ASCC1: variants seen among roughly 807,000 people sequenced by gnomAD.
ASCC1 encodes the protein activating signal cointegrator 1 complex subunit 1, also known as ASC-1 complex subunit P50.
In ASCC1, 35 loss-of-function variants were observed where a neutral mutation model predicts 46.6. That is an observed-to-expected ratio of 0.75 (90% confidence interval 0.57 to 0.99). ASCC1 has a LOEUF of 0.99. ASCC1 is among the 50% of genes least tolerant of loss of function. The probability of loss-of-function intolerance (pLI) is 0.00; values close to 1 mark genes in which losing one functional copy is unlikely to be tolerated. For synonymous variants in ASCC1, 143 were observed against 146.6 expected, an observed-to-expected ratio of 0.98 and a Z score of 0.18; for missense variants, 376 against 428.7, an observed-to-expected ratio of 0.88 and a Z score of 1.09.
At chr10:72,110,053 G>C (rs1453716912) in intron 9 of ASCC1, among the ~76,000 whole-genome samples, 1 of 152,246 alleles carries the variant, frequency 6.6e-6, no homozygotes, top group Admixed American at 6.5e-5. Context: ...ATGGCTAGCA[G>C]AGACTCTTCA....
At position 72,205,698 on chromosome 10, in the gene ASCC1, G is replaced by A. The variant is rs148223730; in HGVS notation, c.213-2174C>T. On this transcript the variant is annotated intron_variant, in intron 3 of 9. Coordinates refer to ENST00000672957, the MANE Select transcript of ASCC1 (RefSeq NM_001198800.3). ...TGTAATCCCAGCTACTTGGAAGGCT[G>A]AGCAGGAGAATTGCTTGAACCTGGG... Among the ~76,000 whole-genome samples the A allele has an allele frequency of 3.9e-4, 60 of 152,172 alleles. 2 individuals carry two copies. The East Asian group carries it at 0.011, about 27-fold the overall frequency.
intron 7 of ASCC1, among the ~76,000 whole-genome samples, chr10:72,149,437 C>CAAAA (rs11297879): frequency 4.7e-4 from 25 of 52,688 alleles, no homozygotes; most frequent in Admixed American, 1.5e-3. Flanking sequence ...GACTCCGTCA[C>CAAAA]AAAAAAAAAA....
chr10:72,118,766 T>C (rs1843808835), intron 9 of ASCC1, among the ~76,000 whole-genome samples: 1 of 148,718 alleles, frequency 6.7e-6, no homozygotes, highest in South Asian at 2.1e-4. Context: ...GCAACAAGAA[T>C]GAAACTCCGT....
rs1850936299 is a variant in ASCC1 at position 72,170,523 on chromosome 10, G to A, written c.490-8849C>T. 1.3e-5 allele frequency among the ~76,000 whole-genome samples: 2 copies of A among 150,598 alleles called. 1 individual carries two copies. The highest frequency in any genetic ancestry group is 4.2e-4 in the South Asian group (2 of 4,780). On this transcript the variant is annotated intron_variant, in intron 5 of 9. Coordinates refer to ENST00000672957, the MANE Select transcript of ASCC1 (RefSeq NM_001198800.3). The stretch of plus-strand genomic sequence containing the variant: ...ACTCAGGAGGATCACTTGAGCCCAG[G>A]AGTTCAAGGTGCAGTGGTGCTCACA...
At chr10:72,097,566 CT>C in intron 9 of ASCC1, 116 bp from the exon 10 acceptor site, 1 of 675,436 alleles carries the variant, frequency 1.5e-6, no homozygotes, top group South Asian at 1.6e-5. Context: ...ATCTCTCATG[CT>C]TTTTCTTTTC....
At chr10:72,205,845 T>C (rs990375962) in intron 3 of ASCC1, among the ~76,000 whole-genome samples, 2 of 151,638 alleles carry the variant, frequency 1.3e-5, no homozygotes, top group African/African-American at 4.8e-5. Flanking sequence ...GGGTGGTGTC[T>C]CACGCCTGTA....
At chr10:72,118,970 C>A (rs1232741924) in intron 9 of ASCC1, among the ~76,000 whole-genome samples, 2 of 152,180 alleles carry the variant, frequency 1.3e-5, no homozygotes, top group Non-Finnish European at 2.9e-5. Context: ...CTTGACAACT[C>A]TTCATAGGTC....
chr10:72,106,897 T>C (rs1305204227), intron 9 of ASCC1, among the ~76,000 whole-genome samples: 1 of 152,142 alleles, frequency 6.6e-6, no homozygotes, highest in Non-Finnish European at 1.5e-5. Context: ...CACAAGGCAG[T>C]GTGTATGGGC....
chr10:72,158,525 A>T (rs959515305), intron 6 of ASCC1, among the ~76,000 whole-genome samples: 5 of 152,236 alleles, frequency 3.3e-5, no homozygotes, highest in African/African-American at 1.2e-4. Context: ...TGAATAATTC[A>T]TTCAAAATCT....
intron 7 of ASCC1, among the ~76,000 whole-genome samples, chr10:72,147,656 C>T (rs979736994): frequency 3.3e-5 from 5 of 152,206 alleles, no homozygotes; most frequent in African/African-American, 1.2e-4. Context: ...TAGTTCAGGG[C>T]ACAGCTTTGC....
At chr10:72,122,200 CACA>C (rs1408382899) in intron 9 of ASCC1, among the ~76,000 whole-genome samples, 1 of 152,166 alleles carries the variant, frequency 6.6e-6, no homozygotes, top group Non-Finnish European at 1.5e-5. Context: ...GTGGGCGGAT[CACA>C]ACATCAGGAG....
intron 3 of ASCC1, among the ~76,000 whole-genome samples, chr10:72,206,143 G>A (rs1298328101): frequency 1.3e-5 from 2 of 150,976 alleles, no homozygotes; most frequent in African/African-American, 2.4e-5. Context: ...GGTGGCTCAC[G>A]CCTGTAATCC....
At chr10:72,199,795 G>A (rs1359191262) in intron 4 of ASCC1, among the ~76,000 whole-genome samples, 2 of 151,976 alleles carry the variant, frequency 1.3e-5, no homozygotes, top group Non-Finnish European at 2.9e-5. Flanking sequence ...GTGCACTGGT[G>A]CGATTGGCTC....
intron 9 of ASCC1, among the ~76,000 whole-genome samples, chr10:72,121,464 T>G (rs752795630): frequency 1.0e-4 from 15 of 144,278 alleles, no homozygotes; most frequent in Non-Finnish European, 1.8e-4. Flanking sequence ...ACTTTAAATA[T>G]AAAGACACAC....
intron 9 of ASCC1, among the ~76,000 whole-genome samples, chr10:72,125,154 A>C (rs1384670674): frequency 6.6e-6 from 1 of 152,244 alleles, no homozygotes; most frequent in Non-Finnish European, 1.5e-5. Flanking sequence ...CATGGAGTAG[A>C]ATAGCAATTG....
intron 3 of ASCC1, among the ~76,000 whole-genome samples, chr10:72,208,497 C>T (rs972699670): frequency 2.6e-5 from 4 of 152,086 alleles, no homozygotes; most frequent in African/African-American, 9.7e-5. Flanking sequence ...CGGTGGCTCA[C>T]GCCTGTAATC....
intron 9 of ASCC1, among the ~76,000 whole-genome samples, chr10:72,120,286 G>A (rs757633881): frequency 2.0e-5 from 3 of 152,020 alleles, no homozygotes; most frequent in Admixed American, 6.6e-5. Flanking sequence ...AATAAAGAAT[G>A]CCTTTGATGG....
chr10:72,197,027 C>T (rs753330159), intron 4 of ASCC1, 38 bp from the exon 5 acceptor site: 3 of 1,607,402 alleles, frequency 1.9e-6, no homozygotes, highest in East Asian at 2.2e-5. Context: ...GCTCAAGGAC[C>T]CCCAAATGCT....
chr10:72,182,492 G>A (rs1852764198), intron 5 of ASCC1, among the ~76,000 whole-genome samples: 1 of 152,098 alleles, frequency 6.6e-6, no homozygotes, highest in Non-Finnish European at 1.5e-5. Flanking sequence ...TCAGGATGGA[G>A]GCCATTGAAA....
Sources: allele counts gnomAD v4.1 joint callset (sites outside exome capture counted in the v4.1 genomes callset), GRCh38; gene constraint gnomAD v4.1.1; transcripts MANE v1.5; gene names NCBI Gene and HGNC (gene_info 2026-07-23, HGNC 2026-07-21).